Variants in YTHDC2 observed in about 807,000 individuals in gnomAD.
YTHDC2 encodes 3'-5' RNA helicase YTHDC2.
In YTHDC2, 45 loss-of-function variants were observed where a neutral mutation model predicts 174.9. The ratio of observed to expected loss-of-function variants is 0.26; its 90% CI spans 0.20 to 0.33. YTHDC2 has a LOEUF of 0.33. Among genes scored for constraint, YTHDC2 ranks in the 10% least tolerant of loss-of-function variants. The pLI is 1.00. For missense variants in YTHDC2, 1,650 were observed against 1,723.7 expected, an observed-to-expected ratio of 0.96 and a Z score of 0.76; for synonymous variants, 657 against 574.5, an observed-to-expected ratio of 1.14 and a Z score of -2.05.
chr5:113,564,108 A>G lies in YTHDC2; in HGVS notation c.2692A>G (p.Met898Val), dbSNP rs758620382. The change falls in exon 20 of 30, where the codon ATG becomes GTG. Residue 898 changes from methionine (M) to valine (V), a missense_variant. Met to Val is a conservative substitution (Grantham distance 21). This residue lies in a region of YTHDC2 where 913 missense variants were observed against 940.4 expected (regional missense o/e 0.97). Coordinates refer to ENST00000161863, the MANE Select transcript of YTHDC2 (RefSeq NM_022828.5). ...TACTGCAGGAGCTTTCAGTGACCAT[A>G]TGGCACTTCTCAGAGCATTCCAGGT... ...RFTAGAFSDH[M>V]ALLRAFQAWQ... 6.2e-7 allele frequency: 1 copy of G among 1,614,092 alleles called. No individual in the cohort carries two copies. The highest frequency in any genetic ancestry group is 8.5e-7 in the Non-Finnish European group (1 of 1,180,000).
chr5:113,552,115 A>G, intron 12 of YTHDC2, among the ~76,000 whole-genome samples: 1 of 152,286 alleles, frequency 6.6e-6, no homozygotes, highest in East Asian at 1.9e-4. Context: ...AAACAATTAG[A>G]TACAACCTAT....
intron 2 of YTHDC2, among the ~76,000 whole-genome samples, chr5:113,519,698 A>T (rs1416343265): frequency 6.6e-6 from 1 of 152,186 alleles, no homozygotes; most frequent in Non-Finnish European, 1.5e-5. Context: ...TTGAGGAGGC[A>T]GGAGCAAACA....
chr5:113,569,561 T>C (rs1196307556), intron 23 of YTHDC2, among the ~76,000 whole-genome samples: 5 of 152,230 alleles, frequency 3.3e-5, no homozygotes, highest in African/African-American at 1.2e-4. Flanking sequence ...TTTCTGCATA[T>C]AGCTAACCAG....
intron 23 of YTHDC2, among the ~76,000 whole-genome samples, chr5:113,575,464 GACACGT>G (rs1400420398): frequency 2.0e-5 from 3 of 152,178 alleles, no homozygotes; most frequent in African/African-American, 4.8e-5. Flanking sequence ...AGAAAGCCTA[GACACGT>G]TTTTCTGAGA....
intron 4 of YTHDC2, among the ~76,000 whole-genome samples, chr5:113,528,172 G>C (rs1435570433): frequency 6.6e-6 from 1 of 151,912 alleles, no homozygotes; most frequent in African/African-American, 2.4e-5. Context: ...CCTTGCTAAT[G>C]ATATCTATAT....
chr5:113,541,251 G>A, intron 9 of YTHDC2, 135 bp downstream of exon 9: 2 of 967,010 alleles, frequency 2.1e-6, no homozygotes, highest in Admixed American at 4.5e-5. Flanking sequence ...GAGTGGAGTG[G>A]CGTGATCTCG....
chr5:113,579,687 G>C lies in YTHDC2; in HGVS notation c.3346G>C (p.Glu1116Gln), dbSNP rs1168101651. 1 of 1,604,336 alleles carries C rather than the reference G, an allele frequency of 6.2e-7. No homozygotes were observed. The highest frequency in any genetic ancestry group is 1.3e-5 in the African/African-American group (1 of 74,456). ...TGATGAGTGGCTCCATTTCACACTG[G>C]AGCCAGAGGTAAGTTGCTTTCAAGT... is the stretch of plus-strand genomic sequence containing the variant. ...KLDEWLHFTL[E>Q]PEAASLLLQL... Residue 1116 changes from glutamate to glutamine, a missense_variant, in exon 24 of 30, where the codon GAG becomes CAG. This residue lies in a region of YTHDC2 where 913 missense variants were observed against 940.4 expected (regional missense o/e 0.97). Coordinates refer to ENST00000161863, the MANE Select transcript of YTHDC2 (RefSeq NM_022828.5).
At chr5:113,563,175 G>A (rs1666627958) in intron 18 of YTHDC2, among the ~76,000 whole-genome samples, 198 bp from the exon 19 acceptor site, 1 of 151,868 alleles carries the variant, frequency 6.6e-6, no homozygotes, top group Non-Finnish European at 1.5e-5. Flanking sequence ...GATTGAAGAG[G>A]GTATTTATTA....
chr5:113,561,239 G>GACCCC, intron 18 of YTHDC2, 54 bp downstream of exon 18: 1 of 1,391,990 alleles, frequency 7.2e-7, no homozygotes, highest in Non-Finnish European at 1.0e-6. Flanking sequence ...GAAGTGAGGG[G>GACCCC]CCATTTCAAC....
intron 23 of YTHDC2, among the ~76,000 whole-genome samples, chr5:113,571,323 G>A (rs1777701075): frequency 6.6e-6 from 1 of 152,234 alleles, no homozygotes; most frequent in Non-Finnish European, 1.5e-5. Context: ...TCCCAGGGAT[G>A]AAGCCAACTT....
Position 113,577,893 on chromosome 5 carries a change from T to C in YTHDC2, c.3245-1693T>C, listed in dbSNP as rs1778161017. Among the ~76,000 whole-genome samples the C allele has an allele frequency of 6.6e-5, 10 of 152,280 alleles. 2 individuals are homozygous for C. In the South Asian group the frequency reaches 2.1e-3, roughly 32 times the overall value. On this transcript the variant is annotated intron_variant, in intron 23 of 29. Coordinates refer to ENST00000161863, the MANE Select transcript of YTHDC2 (RefSeq NM_022828.5). Reference sequence around the variant, plus strand: ...TTTTCTTGCTGAACTTTAGAAACATTATTGCAGACATTATATATTTTATGT... The same window carrying C: ...TTTTCTTGCTGAACTTTAGAAACATCATTGCAGACATTATATATTTTATGT...
intron 4 of YTHDC2, among the ~76,000 whole-genome samples, chr5:113,528,059 G>A (rs371825040): frequency 6.6e-6 from 1 of 152,124 alleles, no homozygotes; most frequent in Admixed American, 6.6e-5. Context: ...GAGTAATTTT[G>A]CCATTAAGTA....
intron 23 of YTHDC2, among the ~76,000 whole-genome samples, chr5:113,579,325 T>C (rs978111376): frequency 6.6e-6 from 1 of 152,152 alleles, no homozygotes; most frequent in Non-Finnish European, 1.5e-5. Flanking sequence ...TTATTAAAGA[T>C]TGTGCTTCAA....
chr5:113,561,900 TTATC>T (rs755821580), intron 18 of YTHDC2, among the ~76,000 whole-genome samples: 1 of 151,968 alleles, frequency 6.6e-6, no homozygotes, highest in Non-Finnish European at 1.5e-5. Flanking sequence ...GATGCTGAGA[TTATC>T]TAGTAGTTTT....
chr5:113,583,345 A>G (rs1195511422), intron 25 of YTHDC2: 2 of 152,198 alleles, frequency 1.3e-5, no homozygotes, highest in Non-Finnish European at 2.9e-5. Context: ...AAAACAAAAT[A>G]ATGTTAGATA....
Position 113,553,868 on chromosome 5 carries a change from A to G in YTHDC2, c.2052+14A>G. On this transcript the variant is annotated intron_variant, in intron 15 of 29. Transcript: ENST00000161863. ...GTTCGAAAAATAGTAAGCTTCATAA[A>G]ATCTTCTTTTTAACACTTTCATTAG... 2 of 1,575,268 alleles carry G rather than the reference A, an allele frequency of 1.3e-6. No individual in the cohort carries two copies. The highest frequency in any genetic ancestry group is 1.7e-6 in the Non-Finnish European group (2 of 1,172,100).
intron 13 of YTHDC2, 68 bp from the exon 14 acceptor site, chr5:113,553,519 ATTT>A: frequency 6.5e-7 from 1 of 1,542,806 alleles, no homozygotes; most frequent in Non-Finnish European, 8.9e-7. Context: ...TGTGATACAG[ATTT>A]TTATAATTCT....
rs565098709 is a variant in YTHDC2, at chr5:113,593,523, C to T, written c.*49C>T. On this transcript the variant is annotated 3_prime_UTR_variant, in exon 30 of 30. Transcript: ENST00000161863. ...AGAACATCATGCCTATTTATAACCA[C>T]TGAATGCACTGACTTTCAAAAACTG... The T allele has an allele frequency of 1.5e-6, 1 of 652,008 alleles. No individual in the cohort carries two copies. Among genetic ancestry groups the T allele is most frequent in the South Asian group, 2.4e-5 (1 of 40,834 alleles). 40.4% of individuals were successfully genotyped at this position (652,008 alleles called of 1,614,324 possible).
At chr5:113,532,126 A>G (rs1774716640) in intron 4 of YTHDC2, among the ~76,000 whole-genome samples, 1 of 152,224 alleles carries the variant, frequency 6.6e-6, no homozygotes, top group East Asian at 1.9e-4. Flanking sequence ...TAGCATATCC[A>G]TGAGATGGAA....
Sources: allele counts gnomAD v4.1 joint callset (sites outside exome capture counted in the v4.1 genomes callset), GRCh38; gene constraint gnomAD v4.1.1; regional missense constraint gnomAD v4.1.1; transcripts MANE v1.5; gene names NCBI Gene and HGNC (gene_info 2026-07-23, HGNC 2026-07-21).